Variants in NOP14 observed in about 807,000 individuals in gnomAD.
NOP14 encodes the protein NOP14 nucleolar protein.
NOP14 carries 57 observed loss-of-function variants against 101.6 expected under a neutral mutation model. The observed-to-expected ratio is 0.56, with a 90% confidence interval of 0.45 to 0.70. The LOEUF (loss-of-function observed/expected upper bound fraction) is 0.70. Among genes scored for constraint, NOP14 ranks in the 30% least tolerant of loss-of-function variants. The probability of loss-of-function intolerance (pLI) is 0.00; values close to 1 mark genes in which losing one functional copy is unlikely to be tolerated. For synonymous variants in NOP14, 428 were observed against 424.0 expected (o/e 1.01, Z -0.12); for missense variants, 1,134 against 1,075.5 (o/e 1.05, Z -0.76).
At position 2,960,842 on chromosome 4, in the gene NOP14, T is replaced by C. The variant is rs1195868041; in HGVS notation, c.195+2283A>G. Among the ~76,000 whole-genome samples the C allele has an allele frequency of 2.4e-5, 3 of 124,472 alleles. 1 individual carries two copies. The highest frequency in any genetic ancestry group is 9.9e-5 in the African/African-American group (3 of 30,186). 81.7% of individuals were successfully genotyped at this position (124,472 alleles called of 152,430 possible). On this transcript the variant is annotated intron_variant, in intron 1 of 17. Transcript: ENST00000416614. ...TCACATTATCAATATATTAATATTATAATCACATTATCAATATATTAATAT... is the reference window on the plus strand; with the variant it reads ...TCACATTATCAATATATTAATATTACAATCACATTATCAATATATTAATAT...
At chr4:2,953,323 G>A (rs1279243794) in intron 5 of NOP14, among the ~76,000 whole-genome samples, 188 bp downstream of exon 5, 1 of 152,150 alleles carries the variant, frequency 6.6e-6, no homozygotes, top group African/African-American at 2.4e-5. Context: ...CTGCAATAGA[G>A]ACTCAAGTAA....
chr4:2,948,396 T>C lies in NOP14; in HGVS notation c.1295A>G (p.Tyr432Cys). Residue 432 changes from tyrosine to cysteine, a missense_variant, in exon 9 of 18, where the codon TAT becomes TGT. Tyr to Cys is a radical substitution (Grantham distance 194). Transcript: ENST00000416614. ...TAACAACAGAGATCTCAGTTCCTCATAGGATTCAGGGGCTATCAAAAACAC... is the reference window on the plus strand; with the variant it reads ...TAACAACAGAGATCTCAGTTCCTCACAGGATTCAGGGGCTATCAAAAACAC... ...LPYTFAAPES[Y>C]EELRSLLLGR... The C allele has an allele frequency of 3.7e-6, 6 of 1,611,808 alleles. No individual in the cohort carries two copies. The highest frequency in any genetic ancestry group is 5.1e-6 in the Non-Finnish European group (6 of 1,179,228).
At chr4:2,945,010 C>T (rs1714509158) in intron 12 of NOP14, 118 bp downstream of exon 12, 1 of 682,828 alleles carries the variant, frequency 1.5e-6, no homozygotes, top group Non-Finnish European at 2.5e-6. Flanking sequence ...AACCGCAGTG[C>T]TCGGTCTCTG....
chr4:2,956,902 T>C (rs1577848824), intron 2 of NOP14, 91 bp from the exon 3 acceptor site: 1 of 1,125,900 alleles, frequency 8.9e-7, no homozygotes, highest in Non-Finnish European at 1.2e-6. Context: ...ATTTCCATTA[T>C]ATTTGAAATA....
At position 2,942,177 on chromosome 4, in the gene NOP14, G is replaced by A. The variant is rs995458523; in HGVS notation, c.2051+15C>T. ...CTGTAGGGCACAGGCCCCAAAGCGG[G>A]GTCCCCTCACATACCGGATGTGATT... On this transcript the variant is annotated intron_variant, in intron 14 of 17. Coordinates refer to ENST00000416614, the MANE Select transcript of NOP14 (RefSeq NM_001291978.2). 3.1e-6 allele frequency: 5 copies of A among 1,610,190 alleles called. No homozygotes were observed. Among genetic ancestry groups the A allele is most frequent in the Non-Finnish European group, 3.4e-6 (4 of 1,177,002 alleles).
chr4:2,950,283 A>G (rs1276837272), intron 7 of NOP14, 70 bp from the exon 8 acceptor site: 1 of 1,508,006 alleles, frequency 6.6e-7, no homozygotes, highest in Non-Finnish European at 9.1e-7. Context: ...TCACAGCCAC[A>G]TCAAGAGGCT....
intron 13 of NOP14, among the ~76,000 whole-genome samples, chr4:2,943,854 C>T (rs1714409752): frequency 6.6e-6 from 1 of 152,228 alleles, no homozygotes; most frequent in Admixed American, 6.5e-5. Context: ...GACTCTGGCC[C>T]CTGGCAACCA....
intron 13 of NOP14, among the ~76,000 whole-genome samples, chr4:2,943,655 C>A (rs1280679746): frequency 6.6e-6 from 1 of 152,270 alleles, no homozygotes; most frequent in Admixed American, 6.5e-5. Flanking sequence ...AACTTTCACA[C>A]TGCCTTGTCG....
Position 2,949,942 on chromosome 4 carries a change from G to A in NOP14, c.1274C>T (p.Thr425Met), listed in dbSNP as rs141737199. 23 of 1,614,070 alleles carry A rather than the reference G, an allele frequency of 1.4e-5. No individual in the cohort carries two copies. In the Admixed American group the frequency reaches 2.3e-4, roughly 16 times the overall value. ...CCCGCGCACTTGCCCACCTGCGAAC[G>A]TGTAGGGCAGCTCGTCTCTGGTAGC... is the stretch of plus-strand genomic sequence containing the variant. Reference protein sequence around the residue: ...GKATRDELPYTFAAPESYEEL... With the variant: ...GKATRDELPYMFAAPESYEEL... The change falls in exon 8 of 18, where the codon ACG becomes ATG. Residue 425 changes from threonine to methionine, a missense_variant. Physicochemically the swap from Thr to Met is moderately conservative, Grantham distance 81. Coordinates refer to ENST00000416614, the MANE Select transcript of NOP14 (RefSeq NM_001291978.2).
intron 4 of NOP14, among the ~76,000 whole-genome samples, chr4:2,953,860 G>C (rs1304678721): frequency 6.6e-6 from 1 of 152,188 alleles, no homozygotes; most frequent in Non-Finnish European, 1.5e-5. Flanking sequence ...CATTAATTTA[G>C]ATGCTCTGAG....
rs974234295 is a variant in NOP14, at chr4:2,957,480, G to A, written c.330+126C>T. 109 of 1,120,734 alleles carry A rather than the reference G, an allele frequency of 9.7e-5. No homozygotes were observed. In the African/African-American group the frequency reaches 1.2e-3, roughly 12 times the overall value. The allele number at this position is 1,120,734 out of a possible 1,614,324, so 69.4% of individuals were successfully genotyped here. ...CCTAGCCAGATAAGGCACAGGATTC[G>A]AGGGCTATCCCCTGGACCTTCCGAG... On this transcript the variant is annotated intron_variant, in intron 2 of 17. Transcript: ENST00000416614.
chr4:2,938,806 C>T lies in NOP14; in HGVS notation c.*25G>A. ...TGCAGATGTGAGGTAATGTCCAGTTCCTTGCCTTATTTATAAAATGTAATT... is the reference window on the plus strand; with the variant it reads ...TGCAGATGTGAGGTAATGTCCAGTTTCTTGCCTTATTTATAAAATGTAATT... On this transcript the variant is annotated 3_prime_UTR_variant, in exon 18 of 18. Transcript: ENST00000416614. 2 of 1,585,634 alleles carry T rather than the reference C, an allele frequency of 1.3e-6. No individual in the cohort carries two copies. The highest frequency in any genetic ancestry group is 1.7e-6 in the Non-Finnish European group (2 of 1,155,072).
chr4:2,943,135 G>A (rs980184847), intron 13 of NOP14, among the ~76,000 whole-genome samples: 9 of 152,226 alleles, frequency 5.9e-5, no homozygotes, highest in South Asian at 2.1e-4. Flanking sequence ...CCCCTCTGGC[G>A]CCCAGCACCG....
At chr4:2,959,146 A>G (rs1027190516) in intron 1 of NOP14, among the ~76,000 whole-genome samples, 2 of 152,254 alleles carry the variant, frequency 1.3e-5, no homozygotes, top group Admixed American at 6.5e-5. Flanking sequence ...GAAACCATCC[A>G]TTAGTTCAAT....
At chr4:2,955,773 A>G (rs1715308743) in intron 3 of NOP14, among the ~76,000 whole-genome samples, 2 of 152,238 alleles carry the variant, frequency 1.3e-5, no homozygotes, top group Admixed American at 1.3e-4. Context: ...ATAACTGGCC[A>G]TTCTCTTCAC....
rs1178790256 is a variant in NOP14, at chr4:2,942,196, T to A, written c.2047A>T (p.Ile683Phe). ...RAPTSTEANHIRLSCLAVGLA... is the reference protein window; with the variant it reads ...RAPTSTEANHFRLSCLAVGLA... Reference sequence around the variant, plus strand: ...AAGCGGGGTCCCCTCACATACCGGATGTGATTGGCCTCTGTCGAAGTTGGG... The same window carrying A: ...AAGCGGGGTCCCCTCACATACCGGAAGTGATTGGCCTCTGTCGAAGTTGGG... Residue 683 changes from isoleucine to phenylalanine, a missense_variant, in exon 14 of 18, where the codon ATC becomes TTC. Coordinates refer to ENST00000416614, the MANE Select transcript of NOP14 (RefSeq NM_001291978.2). The A allele has an allele frequency of 6.2e-7, 1 of 1,613,840 alleles. No individual in the cohort carries two copies.
chr4:2,952,957 G>A (rs538470533), intron 5 of NOP14, among the ~76,000 whole-genome samples: 1 of 152,274 alleles, frequency 6.6e-6, no homozygotes, highest in Admixed American at 6.5e-5. Context: ...CAACAAAAAC[G>A]CTACTTATCC....
rs920078422 is a variant in NOP14 at position 2,957,506 on chromosome 4, T to C, written c.330+100A>G. On this transcript the variant is annotated intron_variant, in intron 2 of 17. Coordinates refer to ENST00000416614, the MANE Select transcript of NOP14 (RefSeq NM_001291978.2). ...AGGGCTATCCCCTGGACCTTCCGAGTGCCCAGGAACATGCAAAACATGCAG... is the reference window on the plus strand; with the variant it reads ...AGGGCTATCCCCTGGACCTTCCGAGCGCCCAGGAACATGCAAAACATGCAG... 6.3e-6 allele frequency: 9 copies of C among 1,418,746 alleles called. No homozygotes were observed. The South Asian group carries it at 9.0e-5, about 14-fold the overall frequency. The allele number at this position is 1,418,746 out of a possible 1,614,324, so 87.9% of individuals were successfully genotyped here.
intron 1 of NOP14, 92 bp downstream of exon 1, chr4:2,963,033 A>G: frequency 7.6e-7 from 1 of 1,311,542 alleles, no homozygotes; most frequent in Non-Finnish European, 1.0e-6. Flanking sequence ...CCGCTCAACG[A>G]GGAAACCGAC....
Sources: gnomAD v4.1 joint callset for allele counts (sites outside exome capture counted in the v4.1 genomes callset) on GRCh38, gnomAD v4.1.1 for gene constraint, MANE v1.5 for transcripts, NCBI Gene and HGNC (gene_info 2026-07-23, HGNC 2026-07-21) for gene names.